Variants in ARHGAP24 observed in about 807,000 individuals in gnomAD.
ARHGAP24 encodes rho GTPase-activating protein 24.
In ARHGAP24, 50 loss-of-function variants were observed where a neutral mutation model predicts 76.4. The observed-to-expected ratio is 0.65, with a 90% CI of 0.52 to 0.83. ARHGAP24 has a LOEUF of 0.83. Among genes scored for constraint, ARHGAP24 ranks in the 40% least tolerant of loss-of-function variants. The pLI is 0.00. For synonymous variants in ARHGAP24, 345 were observed against 323.3 expected (o/e 1.07, Z -0.72); for missense variants, 930 against 914.2 (o/e 1.02, Z -0.22).
chr4:85,744,520 A>G (rs1725951638), intron 3 of ARHGAP24, among the ~76,000 whole-genome samples: 1 of 152,224 alleles, frequency 6.6e-6, no homozygotes, highest in Non-Finnish European at 1.5e-5. Flanking sequence ...ATGGATCTTT[A>G]GCATATTGGT....
chr4:85,499,641 T>C (rs1313253364), intron 1 of ARHGAP24, among the ~76,000 whole-genome samples: 1 of 152,226 alleles, frequency 6.6e-6, no homozygotes, highest in Non-Finnish European at 1.5e-5. Context: ...CTATCTTTCA[T>C]TATCACCTCT....
chr4:85,586,299 G>C (rs529167991), intron 2 of ARHGAP24, among the ~76,000 whole-genome samples: 1 of 152,244 alleles, frequency 6.6e-6, no homozygotes, highest in African/African-American at 2.4e-5. Context: ...ATAGGGAAAA[G>C]GAATCTTTGT....
intron 2 of ARHGAP24, among the ~76,000 whole-genome samples, chr4:85,697,708 C>T (rs1178632102): frequency 6.6e-6 from 1 of 152,000 alleles, no homozygotes; most frequent in East Asian, 1.9e-4. Context: ...AGAGGCTGAA[C>T]TTTTAGGAAT....
At chr4:85,480,798 G>C (rs1722786436) in intron 1 of ARHGAP24, among the ~76,000 whole-genome samples, 1 of 152,084 alleles carries the variant, frequency 6.6e-6, no homozygotes, top group Non-Finnish European at 1.5e-5. Flanking sequence ...GGCCAAACAT[G>C]AGTTCTTTTC....
chr4:85,679,559 A>C (rs189077520), intron 2 of ARHGAP24, among the ~76,000 whole-genome samples: 1 of 152,112 alleles, frequency 6.6e-6, no homozygotes, highest in Non-Finnish European at 1.5e-5. Flanking sequence ...TCTGGCCCTC[A>C]GTCCATTAAT....
At chr4:85,814,710 T>A (rs953781595) in intron 3 of ARHGAP24, among the ~76,000 whole-genome samples, 2 of 152,084 alleles carry the variant, frequency 1.3e-5, no homozygotes, top group African/African-American at 2.4e-5. Flanking sequence ...TCCAGGCAAA[T>A]GGTGCAAGCT....
chr4:85,611,181 A>G (rs144457312), intron 2 of ARHGAP24, among the ~76,000 whole-genome samples: 1 of 152,326 alleles, frequency 6.6e-6, no homozygotes, highest in African/African-American at 2.4e-5. Context: ...GCTACATGTG[A>G]AACTGGGAAG....
At chr4:85,737,040 T>C (rs181355431) in intron 3 of ARHGAP24, among the ~76,000 whole-genome samples, 62 of 152,326 alleles carry the variant, frequency 4.1e-4, no homozygotes, top group Middle Eastern at 3.4e-3. Context: ...TGAAAATCAA[T>C]TGATGTGAAG....
chr4:85,959,603 A>G (rs777700729), intron 5 of ARHGAP24, among the ~76,000 whole-genome samples: 3 of 152,186 alleles, frequency 2.0e-5, no homozygotes, highest in Non-Finnish European at 4.4e-5. Flanking sequence ...TTCATCCGTC[A>G]GTTGGTAGAC....
At chr4:85,478,121 G>A (rs575635275) in intron 1 of ARHGAP24, among the ~76,000 whole-genome samples, 13 of 152,258 alleles carry the variant, frequency 8.5e-5, no homozygotes, top group Non-Finnish European at 1.9e-4. Context: ...GGAGGTTGGT[G>A]ATAACAAGAG....
chr4:85,483,312 T>C (rs1028501509), intron 1 of ARHGAP24, among the ~76,000 whole-genome samples: 3 of 151,956 alleles, frequency 2.0e-5, no homozygotes, highest in East Asian at 1.9e-4. Flanking sequence ...ATAGAATAGA[T>C]GGAAAAAAAA....
chr4:85,570,426 TCTCTC>T, intron 1 of ARHGAP24, 91 bp from the exon 2 acceptor site: 1 of 608,604 alleles, frequency 1.6e-6, no homozygotes, highest in Non-Finnish European at 2.7e-6. Flanking sequence ...TTCCTCTCTC[TCTCTC>T]TTTTTTTTTT....
chr4:85,556,113 C>G (rs1225533032), intron 1 of ARHGAP24, among the ~76,000 whole-genome samples: 1 of 151,898 alleles, frequency 6.6e-6, no homozygotes, highest in African/African-American at 2.4e-5. Flanking sequence ...ACTGCTGGCC[C>G]AAGCTTGGGG....
At chr4:85,787,273 C>T (rs1385158961) in intron 3 of ARHGAP24, among the ~76,000 whole-genome samples, 1 of 152,184 alleles carries the variant, frequency 6.6e-6, no homozygotes, top group Non-Finnish European at 1.5e-5. Context: ...TATTTCATTT[C>T]TTATTTGCTC....
chr4:85,722,088 C>T (rs777228695), intron 3 of ARHGAP24, 116 bp downstream of exon 3: 3 of 953,678 alleles, frequency 3.1e-6, no homozygotes, highest in Non-Finnish European at 4.9e-6. Flanking sequence ...TAATTTGAGG[C>T]TTGGTTAGTG....
intron 2 of ARHGAP24, among the ~76,000 whole-genome samples, chr4:85,709,785 TA>T (rs1281960170): frequency 6.6e-6 from 1 of 151,960 alleles, no homozygotes; most frequent in Non-Finnish European, 1.5e-5. Context: ...CAATTGCCAC[TA>T]AAAGAATAAA....
chr4:85,924,292 G>A (rs1016396996), intron 4 of ARHGAP24, among the ~76,000 whole-genome samples: 1 of 152,086 alleles, frequency 6.6e-6, no homozygotes, highest in African/African-American at 2.4e-5. Context: ...AGTTAACACA[G>A]TGTTGAGAAT....
chr4:85,628,830 G>T (rs1254187647), intron 2 of ARHGAP24, among the ~76,000 whole-genome samples: 1 of 152,080 alleles, frequency 6.6e-6, no homozygotes, highest in Non-Finnish European at 1.5e-5. Flanking sequence ...TAATACATTT[G>T]CATGAAATAT....
In ARHGAP24 at chr4:85,515,043, G is replaced by C. The variant is rs188712701; in HGVS notation, c.-21+39484G>C. Among the ~76,000 whole-genome samples, 396 of 152,060 alleles carry C rather than the reference G, an allele frequency of 2.6e-3. 2 individuals carry two copies. Among genetic ancestry groups the C allele is most frequent in the African/African-American group, 8.6e-3 (356 of 41,472 alleles). Reference sequence around the variant, plus strand: ...GGCAGCTGGGACAACATCCTGCTGCGGATCTTCTGAGAGAGTACGTAGAAT... The same window carrying C: ...GGCAGCTGGGACAACATCCTGCTGCCGATCTTCTGAGAGAGTACGTAGAAT... On this transcript the variant is annotated intron_variant, in intron 1 of 9. Transcript: ENST00000395184.
Sources: gnomAD v4.1 joint callset for allele counts (sites outside exome capture counted in the v4.1 genomes callset) on GRCh38, gnomAD v4.1.1 for gene constraint, MANE v1.5 for transcripts, NCBI Gene and HGNC (gene_info 2026-07-23, HGNC 2026-07-21) for gene names.